PNPLA7: variants seen among roughly 807,000 people sequenced by gnomAD.
PNPLA7 encodes patatin like domain 7, lysophospholipase.
PNPLA7 carries 153 observed loss-of-function variants against 161.7 expected under a neutral mutation model. The observed-to-expected ratio is 0.95, with a 90% CI of 0.83 to 1.08. The LOEUF (loss-of-function observed/expected upper bound fraction) is 1.08, where lower values mean the gene tolerates loss of function less well. Ranked by LOEUF, PNPLA7 falls within the 50% of genes least tolerant of loss-of-function variation. The probability of loss-of-function intolerance (pLI) is 0.00; values close to 1 mark genes in which losing one functional copy is unlikely to be tolerated. For synonymous variants in PNPLA7, 809 were observed against 782.1 expected, an observed-to-expected ratio of 1.03 and a Z score of -0.57; for missense variants, 1,739 against 1,856.6, an observed-to-expected ratio of 0.94 and a Z score of 1.16.
intron 11 of PNPLA7, among the ~76,000 whole-genome samples, chr9:137,518,071 C>T (rs1441330749): frequency 1.8e-5 from 2 of 113,596 alleles, no homozygotes; most frequent in African/African-American, 8.2e-5. Flanking sequence ...CCACTCTGTC[C>T]ACTCCATCCC....
At chr9:137,465,647 G>A (rs1831427491) in intron 26 of PNPLA7, among the ~76,000 whole-genome samples, 1 of 152,228 alleles carries the variant, frequency 6.6e-6, no homozygotes, top group Non-Finnish European at 1.5e-5. Context: ...GAGGGGAGAA[G>A]GTGTCAGTGG....
At chr9:137,506,167 G>A in intron 12 of PNPLA7, 84 bp from the exon 13 acceptor site, 1 of 1,160,852 alleles carries the variant, frequency 8.6e-7, no homozygotes. Context: ...ACACCCTGCA[G>A]TCTAACCACA....
intron 25 of PNPLA7, among the ~76,000 whole-genome samples, chr9:137,474,712 C>T (rs1831858325): frequency 6.6e-6 from 1 of 152,040 alleles, no homozygotes. Context: ...CCAAATCTGA[C>T]CATCAGAAGC....
chr9:137,481,689 G>A (rs1180005367), intron 21 of PNPLA7, among the ~76,000 whole-genome samples: 3 of 152,198 alleles, frequency 2.0e-5, no homozygotes, highest in East Asian at 1.9e-4. Context: ...TCGGCTGGGC[G>A]CGGTGGCTCA....
chr9:137,530,155 C>T (rs1835513461), intron 8 of PNPLA7, among the ~76,000 whole-genome samples: 1 of 151,670 alleles, frequency 6.6e-6, no homozygotes, highest in Non-Finnish European at 1.5e-5. Flanking sequence ...TTAGTGGAGA[C>T]AGGGTTTAAC....
rs530114512 is a variant in PNPLA7 at position 137,467,130 on chromosome 9, C to T, written c.3039+187G>A. Among the ~76,000 whole-genome samples, 14 of 152,378 alleles carry T rather than the reference C, an allele frequency of 9.2e-5. No homozygotes were observed. The highest frequency in any genetic ancestry group is 3.1e-4 in the African/African-American group (13 of 41,580). On this transcript the variant is annotated intron_variant, in intron 26 of 34. Coordinates refer to ENST00000406427, the MANE Select transcript of PNPLA7 (RefSeq NM_001098537.3). This position sits in a 1 kb window ranked among gnomAD's most constrained non-coding sequence, Gnocchi z 5.1. ...AGATCAGACCGCCTCCCACCACCAA[C>T]CTGCATCTGTGCCTTCTCTGTGGTG...
Position 137,541,860 on chromosome 9 carries a change from T to C in PNPLA7, c.666+782A>G, listed in dbSNP as rs1483871515. On this transcript the variant is annotated intron_variant, in intron 7 of 34. Transcript: ENST00000406427. This position sits in a 1 kb window ranked among gnomAD's most constrained non-coding sequence, Gnocchi z 4.4. ...GCAGTGGCGTGAACACAGCTCACTA[T>C]AGCCGCAACCTCCCAGACTCAAGCG... is the stretch of plus-strand genomic sequence containing the variant. Among the ~76,000 whole-genome samples the C allele has an allele frequency of 1.3e-5, 2 of 152,012 alleles. No homozygotes were observed. Among genetic ancestry groups the C allele is most frequent in the African/African-American group, 4.8e-5 (2 of 41,376 alleles).
At chr9:137,502,737 C>CGGGGGGGACGAGGGGGAT (rs1554767775) in intron 14 of PNPLA7, among the ~76,000 whole-genome samples, 3 of 62,944 alleles carry the variant, frequency 4.8e-5, no homozygotes, top group African/African-American at 1.8e-4. Context: ...ACGGGGGGGA[C>CGGGGGGGACGAGGGGGAT]GAGAGGGATG....
At chr9:137,503,177 T>G (rs1052538181) in intron 14 of PNPLA7, among the ~76,000 whole-genome samples, 12 of 151,344 alleles carry the variant, frequency 7.9e-5, no homozygotes, top group African/African-American at 2.7e-4. Context: ...AGGCTAGGAG[T>G]TCAAGACCAG....
Position 137,461,917 on chromosome 9 carries a change from A to G in PNPLA7, c.3756+14T>C. The G allele has an allele frequency of 6.5e-7, 1 of 1,541,082 alleles. No homozygotes were observed. The highest frequency in any genetic ancestry group is 8.7e-7 in the Non-Finnish European group (1 of 1,148,550). ...GTCCGGGGAGCTGGGCGTGGTCCGG[A>G]CGCCCGTACTCACCGCACTCGCGGG... On this transcript the variant is annotated intron_variant, in intron 32 of 34. Coordinates refer to ENST00000406427, the MANE Select transcript of PNPLA7 (RefSeq NM_001098537.3).
At chr9:137,534,153 G>GTATAC (rs1835755900) in intron 8 of PNPLA7, among the ~76,000 whole-genome samples, 1 of 142,724 alleles carries the variant, frequency 7.0e-6, no homozygotes, top group Non-Finnish European at 1.5e-5. Context: ...CCACAACAGT[G>GTATAC]TCCACTCCAG....
intron 12 of PNPLA7, among the ~76,000 whole-genome samples, chr9:137,513,811 A>G (rs1215912428): frequency 6.6e-6 from 1 of 152,262 alleles, no homozygotes. Context: ...TACAGCACAT[A>G]AAGAATCAAC....
In PNPLA7 at chr9:137,516,236, C is replaced by T. The variant is rs967608418; in HGVS notation, c.1085-717G>A. On this transcript the variant is annotated intron_variant, in intron 11 of 34. Coordinates refer to ENST00000406427, the MANE Select transcript of PNPLA7 (RefSeq NM_001098537.3). ...CTGCCAGCCAGGCCCTTTCTCAGGG[C>T]GTCCCATTGGTGGATGTGGCTGTCT... 1.7e-5 allele frequency: 14 copies of T among 843,646 alleles called. No homozygotes were observed. In the East Asian group the frequency reaches 7.6e-4, roughly 46 times the overall value. 52.3% of individuals were successfully genotyped at this position (843,646 alleles called of 1,614,324 possible).
chr9:137,513,015 T>C (rs1020450834), intron 12 of PNPLA7, among the ~76,000 whole-genome samples: 7 of 149,584 alleles, frequency 4.7e-5, no homozygotes, highest in African/African-American at 1.7e-4. Context: ...TAGATTCAGA[T>C]ACCTGATGCC....
intron 23 of PNPLA7, chr9:137,479,542 A>C: frequency 9.0e-7 from 1 of 1,110,948 alleles, no homozygotes; most frequent in Non-Finnish European, 1.1e-6. Context: ...GTATTTTGCA[A>C]ACAAACTCTC....
intron 9 of PNPLA7, among the ~76,000 whole-genome samples, chr9:137,522,083 A>AT (rs983664885): frequency 2.0e-5 from 3 of 151,418 alleles, no homozygotes; most frequent in African/African-American, 2.4e-5. Context: ...ATATATTACA[A>AT]TTTTTTTTTG....
intron 1 of PNPLA7, among the ~76,000 whole-genome samples, chr9:137,549,952 C>A (rs1284300620): frequency 1.3e-5 from 2 of 152,232 alleles, no homozygotes; most frequent in Middle Eastern, 3.2e-3. Flanking sequence ...CATGGGCCAC[C>A]ACTGGCTGTC....
At chr9:137,470,974 C>G (rs929067663) in intron 25 of PNPLA7, among the ~76,000 whole-genome samples, 15 of 152,250 alleles carry the variant, frequency 9.9e-5, no homozygotes, top group Admixed American at 9.8e-4. Flanking sequence ...AGATCACACT[C>G]AGTGGTGGGC....
At position 137,522,130 on chromosome 9, in the gene PNPLA7, A is replaced by G. The variant is rs374037046; in HGVS notation, c.877-414T>C. Among the ~76,000 whole-genome samples the G allele has an allele frequency of 2.2e-3, 336 of 152,314 alleles. 1 individual carries two copies. The highest frequency in any genetic ancestry group is 7.7e-3 in the African/African-American group (321 of 41,562). On this transcript the variant is annotated intron_variant, in intron 9 of 34. Transcript: ENST00000406427. ...CGCTATGCCGCCCAGGCTGGAGTGC[A>G]GTGGCACCATCTCGGCTCACTGCAA... is the stretch of plus-strand genomic sequence containing the variant.
Sources: gnomAD v4.1 joint callset for allele counts (sites outside exome capture counted in the v4.1 genomes callset) on GRCh38, gnomAD v4.1.1 for gene constraint, Gnocchi (gnomAD v3.1) non-coding constraint, MANE v1.5 for transcripts, NCBI Gene and HGNC (gene_info 2026-07-23, HGNC 2026-07-21) for gene names.